The following CIZ1 variants were observed in gnomAD, a reference collection of about 807,000 sequenced individuals.
CIZ1 encodes the protein cip1-interacting zinc finger protein.
A neutral mutation model predicts 118.6 loss-of-function variants in CIZ1; 58 were observed. That is an observed-to-expected ratio of 0.49 (90% confidence interval 0.40 to 0.61). The LOEUF is 0.61. CIZ1 is among the 20% of genes least tolerant of loss of function. The pLI is 0.00. For missense variants in CIZ1, 921 were observed against 1,115.9 expected, an observed-to-expected ratio of 0.83 and a Z score of 2.49; for synonymous variants, 448 against 443.4, an observed-to-expected ratio of 1.01 and a Z score of -0.13.
At chr9:128,178,609 C>T in intron 8 of CIZ1, 100 bp downstream of exon 8, 1 of 1,587,298 alleles carries the variant, frequency 6.3e-7, no homozygotes, top group East Asian at 2.2e-5. Context: ...GGTTCCAGGC[C>T]TAGCCCTCAG....
At position 128,185,748 on chromosome 9, in the gene CIZ1, G is replaced by A. The variant is rs777885212; in HGVS notation, c.387C>T (p.Ser129=). ...LGNLRGYGMA[S]PGLAAPSLTP... ...TGAGGCTGGGGGCTGCGAGGCCTGG[G>A]GATGCCATGCCATAGCCTCGGAGGT... The change falls in exon 5 of 17, where the codon TCC becomes TCT. Residue 129 remains serine, a synonymous_variant. Transcript: ENST00000372938. The A allele has an allele frequency of 6.2e-7, 1 of 1,613,678 alleles. No homozygotes were observed. The highest frequency in any genetic ancestry group is 1.1e-5 in the South Asian group (1 of 91,082).
chr9:128,190,336 C>A lies in CIZ1; in HGVS notation c.279G>T (p.Gln93His). 1 of 1,612,044 alleles carries A rather than the reference C, an allele frequency of 6.2e-7. No homozygotes were observed. The change falls in exon 3 of 17, where the codon CAG becomes CAT. Residue 93 changes from glutamine (Q) to histidine (H), a missense_variant. Gln to His is a conservative substitution (Grantham distance 24, BLOSUM62 0). Transcript: ENST00000372938. ...GCCTGGGGCCATCCATACCTTGCAA[C>A]TGCTGTAAAAGCAAAGCTCTCTGCA... ...SMLQRALLLQ[Q>H]LQGLDQFAMP...
chr9:128,199,122 CT>C (rs1833448119), intron 1 of CIZ1, among the ~76,000 whole-genome samples: 4 of 152,050 alleles, frequency 2.6e-5, no homozygotes, highest in Admixed American at 2.6e-4. Flanking sequence ...AATCCCAGCA[CT>C]TTGGGAGGCC....
intron 11 of CIZ1, among the ~76,000 whole-genome samples, chr9:128,173,857 T>C (rs1333313637): frequency 1.3e-5 from 2 of 151,778 alleles, no homozygotes; most frequent in African/African-American, 4.8e-5. Flanking sequence ...ATACAAAAAA[T>C]TAGCCGGGCC....
intron 14 of CIZ1, chr9:128,167,758 G>C (rs1256153352): frequency 6.5e-6 from 1 of 154,410 alleles, no homozygotes; most frequent in East Asian, 1.9e-4. Flanking sequence ...GGCCGTGTCA[G>C]CCCTAGCAGG....
rs1202533906 is a variant in CIZ1 at position 128,169,409 on chromosome 9, C to T, written c.2142G>A (p.Lys714=). 6.2e-7 allele frequency: 1 copy of T among 1,613,580 alleles called. No individual in the cohort carries two copies. The highest frequency in any genetic ancestry group is 8.5e-7 in the Non-Finnish European group (1 of 1,179,576). ...VKSQGHKDKA[K]ELKSLEKEIA... is the part of the protein sequence containing the mutation. Reference sequence around the variant, plus strand: ...CCTCTGAGGGAGCTCAGGTTACCTCCTTGGCTTTGTCCTTATGCCCCTGGG... The same window carrying T: ...CCTCTGAGGGAGCTCAGGTTACCTCTTTGGCTTTGTCCTTATGCCCCTGGG... Residue 714 remains lysine, a synonymous_variant, in exon 13 of 17, where the codon AAG becomes AAA. Coordinates refer to ENST00000372938, the MANE Select transcript of CIZ1 (RefSeq NM_001131016.2).
At chr9:128,171,449 C>G (rs376362063) in intron 11 of CIZ1, among the ~76,000 whole-genome samples, 1 of 151,142 alleles carries the variant, frequency 6.6e-6, no homozygotes, top group African/African-American at 2.4e-5. Flanking sequence ...AAAATAGGGC[C>G]GGGCACGGTG....
rs751261139 is a variant in CIZ1, at chr9:128,177,751, C to T, written c.1633G>A (p.Gly545Arg). 3.8e-6 allele frequency: 6 copies of T among 1,597,014 alleles called. No homozygotes were observed. Among genetic ancestry groups the T allele is most frequent in the East Asian group, 2.3e-5 (1 of 44,206 alleles). ...AREMPGVWGA[G>R]GSLKVTILQS... ...AGAATGGTGACCTTCAGGGAGCCCC[C>T]GGCGCCCCATACCTGCATGGGGAGT... The change falls in exon 10 of 17, where the codon GGG becomes AGG. Residue 545 changes from glycine to arginine, a missense_variant. Transcript: ENST00000372938.
chr9:128,191,630 G>T, upstream of CIZ1: 1 of 1,223,834 alleles, frequency 8.2e-7, no homozygotes, highest in Non-Finnish European at 1.0e-6. The surrounding 1 kb of genome is among the most constrained non-coding windows in gnomAD (Gnocchi z 5.5). Flanking sequence ...GGAGGTCCAG[G>T]CGCCTCCGGC....
chr9:128,196,036 T>C (rs1833370199), upstream of CIZ1, among the ~76,000 whole-genome samples: 1 of 152,024 alleles, frequency 6.6e-6, no homozygotes, highest in Non-Finnish European at 1.5e-5. Context: ...CAGCTAATTT[T>C]TTGTATTTTT....
In CIZ1 at chr9:128,166,548, G is replaced by C; in HGVS notation, c.2488-142C>G. 2.1e-6 allele frequency: 2 copies of C among 938,628 alleles called. No individual in the cohort carries two copies. The highest frequency in any genetic ancestry group is 1.7e-5 in the South Asian group (1 of 58,348). 58.1% of individuals were successfully genotyped at this position (938,628 alleles called of 1,614,324 possible). A position where few individuals can be genotyped will look rare whatever the true frequency, so the allele number is the denominator to read the frequency against. On this transcript the variant is annotated intron_variant, in intron 16 of 16. Transcript: ENST00000372938. The surrounding 1 kb of genome is among the most constrained non-coding windows in gnomAD (Gnocchi z 4.4). Reference sequence around the variant, plus strand: ...GTGATGCACTCGGCCTCTCTGGGCCGTCTCTGGAGCTAACAGCCTGGCACT... The same window carrying C: ...GTGATGCACTCGGCCTCTCTGGGCCCTCTCTGGAGCTAACAGCCTGGCACT...
chr9:128,181,685 C>G (rs1006812144), intron 5 of CIZ1, among the ~76,000 whole-genome samples: 2 of 151,190 alleles, frequency 1.3e-5, no homozygotes, highest in African/African-American at 4.9e-5. Context: ...GGAAGACGCC[C>G]GTTACCAGGC....
chr9:128,193,896 G>A (rs1016781365), upstream of CIZ1, among the ~76,000 whole-genome samples: 4 of 152,150 alleles, frequency 2.6e-5, no homozygotes, highest in Non-Finnish European at 5.9e-5. Flanking sequence ...CCCTCCCGGG[G>A]TGGTAAGGAT....
chr9:128,181,723 C>T (rs899880328), intron 5 of CIZ1, among the ~76,000 whole-genome samples: 4 of 147,060 alleles, frequency 2.7e-5, no homozygotes, highest in Admixed American at 6.8e-5. Context: ...TAGCAAAAGG[C>T]GTCAAGGAAC....
At chr9:128,167,236 A>C (rs1193027274) in intron 14 of CIZ1, 72 bp from the exon 15 acceptor site, 1 of 1,165,268 alleles carries the variant, frequency 8.6e-7, no homozygotes, top group Non-Finnish European at 1.2e-6. Context: ...TCGGGGGCCT[A>C]GAGACCACCA....
chr9:128,177,539 C>CCCCAA, intron 10 of CIZ1, 27 bp downstream of exon 10: 1 of 971,092 alleles, frequency 1.0e-6, no homozygotes, highest in Non-Finnish European at 1.5e-6. Context: ...CCCCACCCCT[C>CCCCAA]CCCACCCTTA....
At chr9:128,183,548 G>A (rs1831963895) in intron 5 of CIZ1, among the ~76,000 whole-genome samples, 2 of 152,238 alleles carry the variant, frequency 1.3e-5, no homozygotes, top group African/African-American at 2.4e-5. Flanking sequence ...GTGTGAGCAG[G>A]AGCTGCGGAG....
At position 128,203,466 on chromosome 9, in the gene CIZ1, C is replaced by G; in HGVS notation, c.-6+720G>C. ...GGATCGCAGCCTGCGGGGCCCGCCG[C>G]AGCCATGGGCAACCGCGGCATGGAA... On this transcript the variant is annotated intron_variant, in intron 1 of 17. Coordinates refer to the CIZ1 transcript ENST00000372948. This position sits in a 1 kb window ranked among gnomAD's most constrained non-coding sequence, Gnocchi z 5.3. 1 of 1,486,606 alleles carries G rather than the reference C, an allele frequency of 6.7e-7. No individual in the cohort carries two copies. Among genetic ancestry groups the G allele is most frequent in the Non-Finnish European group, 8.9e-7 (1 of 1,118,372 alleles). The allele number at this position is 1,486,606 out of a possible 1,614,324, so 92.1% of individuals were successfully genotyped here.
upstream of CIZ1, chr9:128,191,886 G>C: frequency 6.9e-7 from 1 of 1,449,850 alleles, no homozygotes; most frequent in South Asian, 1.3e-5. The surrounding 1 kb of genome is among the most constrained non-coding windows in gnomAD (Gnocchi z 5.5). Flanking sequence ...CTGCGATCCT[G>C]GGGCCCCGCG....
Sources: gnomAD v4.1 joint callset for allele counts (sites outside exome capture counted in the v4.1 genomes callset) on GRCh38, gnomAD v4.1.1 for gene constraint, Gnocchi (gnomAD v3.1) non-coding constraint, MANE v1.5 for transcripts, NCBI Gene and HGNC (gene_info 2026-07-23, HGNC 2026-07-21) for gene names.